The following NEGR1 variants were observed in gnomAD, a reference collection of about 807,000 sequenced individuals.
NEGR1 encodes IgLON family member 4.
Under a neutral mutation model 40.9 loss-of-function variants are expected in NEGR1, and 10 were observed. The observed-to-expected ratio is 0.24, with a 90% confidence interval of 0.15 to 0.42. The LOEUF is 0.42. Among genes scored for constraint, NEGR1 ranks in the 10% least tolerant of loss-of-function variants. NEGR1 has a pLI of 1.00. For missense variants in NEGR1, 352 were observed against 438.9 expected, an observed-to-expected ratio of 0.80 and a Z score of 1.77; for synonymous variants, 185 against 166.8, an observed-to-expected ratio of 1.11 and a Z score of -0.84.
intron 1 of NEGR1, among the ~76,000 whole-genome samples, chr1:72,150,632 A>G (rs574477787): frequency 1.8e-4 from 27 of 152,264 alleles, no homozygotes; most frequent in African/African-American, 6.0e-4. Context: ...GAATGGATCT[A>G]GAGTATAACT....
At chr1:72,180,738 C>T (rs143655180) in intron 1 of NEGR1, among the ~76,000 whole-genome samples, 2 of 152,170 alleles carry the variant, frequency 1.3e-5, no homozygotes, top group African/African-American at 4.8e-5. Context: ...GACGGAAATA[C>T]TAATCAAAAC....
chr1:72,193,917 T>C (rs1015614677), intron 1 of NEGR1, among the ~76,000 whole-genome samples: 7 of 151,754 alleles, frequency 4.6e-5, no homozygotes, highest in Non-Finnish European at 1.0e-4. Flanking sequence ...TCATAGTATA[T>C]ACACACAGTT....
At chr1:72,200,631 C>T (rs1359590326) in intron 1 of NEGR1, among the ~76,000 whole-genome samples, 1 of 151,708 alleles carries the variant, frequency 6.6e-6, no homozygotes, top group Non-Finnish European at 1.5e-5. Context: ...ACATGTACCC[C>T]CAAACCTAAA....
chr1:71,588,701 T>G (rs1469359417), intron 6 of NEGR1, among the ~76,000 whole-genome samples: 2 of 152,176 alleles, frequency 1.3e-5, no homozygotes, highest in African/African-American at 2.4e-5. Context: ...GGGGTTTAAG[T>G]TGTCTTCATG....
intron 1 of NEGR1, among the ~76,000 whole-genome samples, chr1:72,194,139 T>C (rs1477048478): frequency 1.3e-5 from 2 of 151,828 alleles, no homozygotes; most frequent in African/African-American, 4.8e-5. Flanking sequence ...CAGAAAGGAT[T>C]TGAACACAAT....
In NEGR1 at chr1:71,403,960, TC is replaced by T; in HGVS notation, c.*3485del. On this transcript the variant is annotated 3_prime_UTR_variant, in exon 7 of 7. Coordinates refer to ENST00000357731, the MANE Select transcript of NEGR1 (RefSeq NM_173808.3). ...TCAATAAATAGTTAAAAACCTGACC[TC>T]TTTTTAAATCATTTCTGGATTTCAA... 1 of 363,476 alleles carries T rather than the reference TC, an allele frequency of 2.8e-6. No homozygotes were observed. Among genetic ancestry groups the T allele is most frequent in the Non-Finnish European group, 5.0e-6 (1 of 200,990 alleles). The allele number at this position is 363,476 out of a possible 1,614,324, so 22.5% of individuals were successfully genotyped here.
At chr1:71,556,789 C>A (rs1160400028) in intron 6 of NEGR1, among the ~76,000 whole-genome samples, 1 of 151,422 alleles carries the variant, frequency 6.6e-6, no homozygotes, top group Non-Finnish European at 1.5e-5. Context: ...TCGATATATT[C>A]TTTTTGAAGG....
intron 1 of NEGR1, among the ~76,000 whole-genome samples, chr1:71,990,248 C>T (rs1333580929): frequency 6.6e-6 from 1 of 152,132 alleles, no homozygotes; most frequent in Non-Finnish European, 1.5e-5. Flanking sequence ...GTCACAGCTA[C>T]CTGACTCCCC....
intron 1 of NEGR1, among the ~76,000 whole-genome samples, chr1:72,250,803 A>C (rs939484541): frequency 6.6e-6 from 1 of 152,194 alleles, no homozygotes; most frequent in African/African-American, 2.4e-5. Context: ...GAAACCAAGA[A>C]GAATGTGATT....
intron 1 of NEGR1, among the ~76,000 whole-genome samples, chr1:72,208,362 G>A (rs1039303484): frequency 1.3e-5 from 2 of 151,630 alleles, no homozygotes; most frequent in Non-Finnish European, 3.0e-5. Flanking sequence ...AAAATATTCT[G>A]TTATTAACTC....
chr1:72,212,365 T>C (rs766507580), intron 1 of NEGR1, among the ~76,000 whole-genome samples: 40 of 151,952 alleles, frequency 2.6e-4, no homozygotes, highest in Non-Finnish European at 1.2e-4. Flanking sequence ...AGATGGCTCA[T>C]TGGTTAAGCG....
chr1:72,090,582 TAA>T (rs1648440494), intron 1 of NEGR1, among the ~76,000 whole-genome samples: 1 of 152,152 alleles, frequency 6.6e-6, no homozygotes, highest in African/African-American at 2.4e-5. Flanking sequence ...TGCCTTTAAT[TAA>T]AATAACTCCA....
intron 1 of NEGR1, among the ~76,000 whole-genome samples, chr1:72,191,140 T>C (rs1652805802): frequency 6.6e-6 from 1 of 151,756 alleles, no homozygotes; most frequent in African/African-American, 2.4e-5. Context: ...ACTCCCATCA[T>C]ACCTACAGGA....
At chr1:72,133,599 C>T (rs574310076) in intron 1 of NEGR1, among the ~76,000 whole-genome samples, 15 of 151,804 alleles carry the variant, frequency 9.9e-5, no homozygotes, top group South Asian at 2.1e-4. Context: ...GTTGAAATTC[C>T]CTCATATTTG....
At chr1:71,895,799 CTG>C (rs1390607223) in intron 2 of NEGR1, among the ~76,000 whole-genome samples, 1 of 152,084 alleles carries the variant, frequency 6.6e-6, no homozygotes, top group African/African-American at 2.4e-5. Context: ...TTCAATTTTA[CTG>C]GATGTATACC....
rs577081421 is a variant in NEGR1, at chr1:72,174,436, T to C, written c.176+107883A>G. 5.9e-5 allele frequency among the ~76,000 whole-genome samples: 9 copies of C among 152,314 alleles called. No individual in the cohort carries two copies. In the East Asian group the frequency reaches 1.7e-3, roughly 29 times the overall value. On this transcript the variant is annotated intron_variant, in intron 1 of 6. Transcript: ENST00000357731. Reference sequence around the variant, plus strand: ...GTATAATGACATGTATCCACCATTATAGTATTATAGAGCAGGGAAATTGCT... The same window carrying C: ...GTATAATGACATGTATCCACCATTACAGTATTATAGAGCAGGGAAATTGCT...
At chr1:72,219,284 A>G (rs1009771562) in intron 1 of NEGR1, among the ~76,000 whole-genome samples, 7 of 152,108 alleles carry the variant, frequency 4.6e-5, no homozygotes, top group African/African-American at 1.7e-4. Flanking sequence ...CATCAATAAT[A>G]AACAGTGATG....
intron 6 of NEGR1, among the ~76,000 whole-genome samples, chr1:71,572,940 A>G (rs1648852275): frequency 6.6e-6 from 1 of 152,192 alleles, no homozygotes; most frequent in South Asian, 2.1e-4. Flanking sequence ...TACTGTGAAG[A>G]CTGGCAAGGA....
intron 6 of NEGR1, chr1:71,570,871 T>G (rs1317751822): frequency 1.3e-5 from 2 of 151,378 alleles, no homozygotes; most frequent in Admixed American, 6.6e-5. Flanking sequence ...TTATAACTGT[T>G]GTTGTTATTG....
Sources: gnomAD v4.1 joint callset for allele counts (sites outside exome capture counted in the v4.1 genomes callset) on GRCh38, gnomAD v4.1.1 for gene constraint, MANE v1.5 for transcripts, NCBI Gene and HGNC (gene_info 2026-07-23, HGNC 2026-07-21) for gene names.